DGKI: variants seen among roughly 807,000 people sequenced by gnomAD.
The protein encoded by DGKI is diacylglycerol kinase iota.
DGKI carries 55 observed loss-of-function variants against 147.5 expected under a neutral mutation model. That is an observed-to-expected ratio of 0.37 (90% CI 0.30 to 0.47). The LOEUF is 0.47. DGKI is among the 20% of genes least tolerant of loss of function. DGKI has a pLI of 1.00. For missense variants in DGKI, 1,007 were observed against 1,323.8 expected, an observed-to-expected ratio of 0.76 and a Z score of 3.71; for synonymous variants, 469 against 477.1, an observed-to-expected ratio of 0.98 and a Z score of 0.22.
intron 27 of DGKI, chr7:137,454,881 T>C (rs760728255): frequency 6.6e-6 from 1 of 152,130 alleles, no homozygotes; most frequent in Non-Finnish European, 1.5e-5. Flanking sequence ...AATGTGGACT[T>C]CTTTTTTTTC....
chr7:137,617,510 C>A (rs1820576360), intron 8 of DGKI, among the ~76,000 whole-genome samples: 1 of 151,926 alleles, frequency 6.6e-6, no homozygotes, highest in African/African-American at 2.4e-5. Context: ...CTATCTTTTA[C>A]AGAAGCATAA....
intron 21 of DGKI, among the ~76,000 whole-genome samples, chr7:137,512,819 C>T (rs1816622830): frequency 6.6e-6 from 1 of 152,092 alleles, no homozygotes; most frequent in Admixed American, 6.6e-5. Flanking sequence ...GCCTTTAGGT[C>T]ATAAACAGAA....
At position 137,594,203 on chromosome 7, in the gene DGKI, T is replaced by G. The variant is rs191022200; in HGVS notation, c.1311+3644A>C. ...CTGGGATTACAGGTGTGCACCACCA[T>G]GCCCGACTAATTTTTATATTTTTAA... On this transcript the variant is annotated intron_variant, in intron 12 of 32. Coordinates refer to ENST00000614521, the MANE Select transcript of DGKI (RefSeq NM_001321708.2). Among the ~76,000 whole-genome samples, 449 of 152,238 alleles carry G rather than the reference T, an allele frequency of 2.9e-3. 1 individual carries two copies. The highest frequency in any genetic ancestry group is 3.7e-3 in the Non-Finnish European group (255 of 68,012).
At chr7:137,394,663 A>G (rs1811483760) in intron 32 of DGKI, among the ~76,000 whole-genome samples, 1 of 152,182 alleles carries the variant, frequency 6.6e-6, no homozygotes, top group Admixed American at 6.5e-5. Flanking sequence ...GTCACAGTAC[A>G]ATATCTGGCC....
intron 1 of DGKI, among the ~76,000 whole-genome samples, chr7:137,819,309 G>A (rs1797826437): frequency 7.3e-6 from 1 of 136,756 alleles, no homozygotes; most frequent in South Asian, 2.6e-4. Flanking sequence ...CAGACTACAA[G>A]GGAATTTTTT....
chr7:137,702,746 G>T (rs1824025913), intron 1 of DGKI, among the ~76,000 whole-genome samples: 1 of 152,092 alleles, frequency 6.6e-6, no homozygotes, highest in Admixed American at 6.5e-5. Flanking sequence ...TCAGACAACT[G>T]TCGTAATGTG....
intron 28 of DGKI, among the ~76,000 whole-genome samples, chr7:137,433,249 C>T (rs989951543): frequency 2.0e-5 from 3 of 152,196 alleles, no homozygotes; most frequent in Non-Finnish European, 2.9e-5. Context: ...AGCACTACAG[C>T]ATACAGGTTA....
At chr7:137,717,502 C>T (rs1434274089) in intron 1 of DGKI, among the ~76,000 whole-genome samples, 1 of 152,170 alleles carries the variant, frequency 6.6e-6, no homozygotes, top group Non-Finnish European at 1.5e-5. Flanking sequence ...TATGGAGCTT[C>T]TTGCAGGGCA....
chr7:137,527,018 T>A (rs1817172509), intron 20 of DGKI, among the ~76,000 whole-genome samples: 1 of 152,014 alleles, frequency 6.6e-6, no homozygotes, highest in Non-Finnish European at 1.5e-5. Context: ...TATATAGGAG[T>A]GATATCCGTT....
At chr7:137,486,295 C>T (rs752420674) in intron 22 of DGKI, among the ~76,000 whole-genome samples, 8 of 151,954 alleles carry the variant, frequency 5.3e-5, no homozygotes, top group South Asian at 2.1e-4. Flanking sequence ...ATTCATCAAT[C>T]GTGTATTAAT....
chr7:137,692,478 A>T (rs976028738), intron 1 of DGKI, among the ~76,000 whole-genome samples: 9 of 152,176 alleles, frequency 5.9e-5, no homozygotes, highest in Admixed American at 1.3e-4. Flanking sequence ...ATACAAAAAA[A>T]TTTTTTTAAG....
intron 1 of DGKI, among the ~76,000 whole-genome samples, chr7:137,763,174 T>C (rs979292496): frequency 1.3e-5 from 2 of 152,218 alleles, no homozygotes; most frequent in Non-Finnish European, 2.9e-5. Context: ...CTTTTATATT[T>C]TTATAGGCAA....
intron 1 of DGKI, among the ~76,000 whole-genome samples, chr7:137,752,171 G>T (rs1003082868): frequency 1.3e-5 from 2 of 152,166 alleles, no homozygotes; most frequent in African/African-American, 4.8e-5. Context: ...TAAAAGTTGT[G>T]GGGGGAGCAA....
At chr7:137,691,798 G>GGTTTTTTTTTT (rs1313820202) in intron 1 of DGKI, among the ~76,000 whole-genome samples, 2 of 95,816 alleles carry the variant, frequency 2.1e-5, no homozygotes, top group Non-Finnish European at 2.0e-5. Context: ...AGACCTTTGG[G>GGTTTTTTTTTT]TTTTTTTTTT....
At chr7:137,453,504 A>G (rs893336511) in intron 27 of DGKI, among the ~76,000 whole-genome samples, 1 of 152,216 alleles carries the variant, frequency 6.6e-6, no homozygotes, top group African/African-American at 2.4e-5. Context: ...TATTTCTCTT[A>G]AAACAGTGAA....
At chr7:137,469,452 A>G (rs904676612) in intron 24 of DGKI, 98 bp downstream of exon 24, 23 of 1,254,328 alleles carry the variant, frequency 1.8e-5, no homozygotes. Context: ...AGGCTTTCTG[A>G]ATAATCTTTT....
intron 1 of DGKI, among the ~76,000 whole-genome samples, chr7:137,694,254 G>GAA (rs1563153977): frequency 1.3e-5 from 2 of 151,786 alleles, no homozygotes; most frequent in Non-Finnish European, 2.9e-5. Flanking sequence ...CCCAGGGGGC[G>GAA]GAGCCTGCAG....
At position 137,651,366 on chromosome 7, in the gene DGKI, A is replaced by G. The variant is rs373885199; in HGVS notation, c.738+3366T>C. Among the ~76,000 whole-genome samples, 10 of 152,324 alleles carry G rather than the reference A, an allele frequency of 6.6e-5. No individual in the cohort carries two copies. In the South Asian group the frequency reaches 8.3e-4, roughly 13 times the overall value. Reference sequence around the variant, plus strand: ...TAAATAAAATTGACAGGACAGGCAAATGAATTAGATGTGGGGAGTCTATGA... The same window carrying G: ...TAAATAAAATTGACAGGACAGGCAAGTGAATTAGATGTGGGGAGTCTATGA... On this transcript the variant is annotated intron_variant, in intron 5 of 32. Coordinates refer to ENST00000614521, the MANE Select transcript of DGKI (RefSeq NM_001321708.2).
At chr7:137,525,871 C>T (rs1231734892) in intron 20 of DGKI, among the ~76,000 whole-genome samples, 1 of 152,042 alleles carries the variant, frequency 6.6e-6, no homozygotes, top group Non-Finnish European at 1.5e-5. Flanking sequence ...ACATTTCTGA[C>T]AAGGTGCTGG....
Sources: gnomAD v4.1 joint callset for allele counts (sites outside exome capture counted in the v4.1 genomes callset) on GRCh38, gnomAD v4.1.1 for gene constraint, MANE v1.5 for transcripts, NCBI Gene and HGNC (gene_info 2026-07-23, HGNC 2026-07-21) for gene names.